LHFPL3: variants seen among roughly 807,000 people sequenced by gnomAD.
LHFPL3 encodes LHFPL tetraspan subfamily member 3.
In LHFPL3, 5 loss-of-function variants were observed where a neutral mutation model predicts 19.3. That is an observed-to-expected ratio of 0.26 (90% CI 0.14 to 0.54). The LOEUF (loss-of-function observed/expected upper bound fraction) is 0.54, where lower values mean the gene tolerates loss of function less well. LHFPL3 is among the 20% of genes least tolerant of loss of function. LHFPL3 has a pLI of 0.94. For missense variants in LHFPL3, 249 were observed against 307.4 expected, an observed-to-expected ratio of 0.81 and a Z score of 1.42; for synonymous variants, 133 against 126.2, an observed-to-expected ratio of 1.05 and a Z score of -0.36.
rs145441527 is a variant in LHFPL3, at chr7:104,574,322, G to A, written c.446-162353G>A. ...CATTCACTTAAGTTCTACGAAGGGG[G>A]CAGGGACAGGGACAAGAACAAGCTC... On this transcript the variant is annotated intron_variant, in intron 1 of 2. Transcript: ENST00000424859. 1.1e-3 allele frequency among the ~76,000 whole-genome samples: 162 copies of A among 152,288 alleles called. 1 individual carries two copies. Among genetic ancestry groups the A allele is most frequent in the Middle Eastern group, 0.01 (3 of 294 alleles).
chr7:104,621,079 G>A (rs942364095), intron 1 of LHFPL3, among the ~76,000 whole-genome samples: 2 of 152,158 alleles, frequency 1.3e-5, no homozygotes, highest in Admixed American at 6.5e-5. Context: ...TGAGAACTCA[G>A]ATTTTCAAGA....
chr7:104,788,137 A>G (rs926448217), intron 2 of LHFPL3, among the ~76,000 whole-genome samples: 2 of 152,138 alleles, frequency 1.3e-5, no homozygotes, highest in African/African-American at 4.8e-5. Context: ...GGAAAACATA[A>G]TTTCTTTATG....
chr7:104,388,208 T>C (rs926035612), intron 1 of LHFPL3, among the ~76,000 whole-genome samples: 2 of 152,200 alleles, frequency 1.3e-5, no homozygotes, highest in African/African-American at 2.4e-5. Context: ...CTAGATTGAT[T>C]CCATGTCTTT....
At chr7:104,472,607 A>G (rs186359684) in intron 1 of LHFPL3, among the ~76,000 whole-genome samples, 1 of 152,304 alleles carries the variant, frequency 6.6e-6, no homozygotes, top group East Asian at 1.9e-4. Context: ...GCAAATATTC[A>G]TTTATAATTA....
At chr7:104,839,425 C>T (rs937384918) in intron 2 of LHFPL3, among the ~76,000 whole-genome samples, 4 of 151,984 alleles carry the variant, frequency 2.6e-5, no homozygotes, top group African/African-American at 4.8e-5. Flanking sequence ...TCAGCATATT[C>T]GGAGGCCGAG....
chr7:104,614,100 G>T (rs980316762), intron 1 of LHFPL3, among the ~76,000 whole-genome samples: 7 of 152,256 alleles, frequency 4.6e-5, no homozygotes, highest in Admixed American at 3.9e-4. Flanking sequence ...TTTCAAAAAG[G>T]CAGAGAATGT....
intron 1 of LHFPL3, among the ~76,000 whole-genome samples, chr7:104,496,750 A>G (rs1016764667): frequency 6.6e-6 from 1 of 152,212 alleles, no homozygotes; most frequent in African/African-American, 2.4e-5. Flanking sequence ...TAGCTTAAAT[A>G]TAATGAAATG....
chr7:104,705,508 C>G (rs1323353622), intron 1 of LHFPL3, among the ~76,000 whole-genome samples: 1 of 152,120 alleles, frequency 6.6e-6, no homozygotes, highest in African/African-American at 2.4e-5. Context: ...TGTTAGAGTT[C>G]TCTCCCCCTT....
At chr7:104,749,238 G>C (rs1435104666) in intron 2 of LHFPL3, among the ~76,000 whole-genome samples, 1 of 152,254 alleles carries the variant, frequency 6.6e-6, no homozygotes, top group Non-Finnish European at 1.5e-5. Context: ...GCTATTGCCA[G>C]TCCTGCATTG....
intron 1 of LHFPL3, among the ~76,000 whole-genome samples, chr7:104,597,112 C>G (rs1403537684): frequency 2.6e-5 from 4 of 152,148 alleles, no homozygotes; most frequent in African/African-American, 9.7e-5. Flanking sequence ...TATAGCATGA[C>G]AAATGGATTC....
At position 104,734,111 on chromosome 7, in the gene LHFPL3, C is replaced by T. The variant is rs1382377279; in HGVS notation, c.446-2564C>T. ...GATCAGCTGTTAGTCTGATGGGCTT[C>T]CCTTTGTGGGTAACCCGACCTTTCT... On this transcript the variant is annotated intron_variant, in intron 1 of 2. Coordinates refer to ENST00000424859, the MANE Select transcript of LHFPL3 (RefSeq NM_199000.3). Among the ~76,000 whole-genome samples the T allele has an allele frequency of 5.3e-5, 8 of 152,196 alleles. 1 individual carries two copies. The South Asian group carries it at 6.2e-4, about 12-fold the overall frequency.
At chr7:104,594,412 A>G (rs1438022675) in intron 1 of LHFPL3, among the ~76,000 whole-genome samples, 1 of 152,210 alleles carries the variant, frequency 6.6e-6, no homozygotes, top group Non-Finnish European at 1.5e-5. Flanking sequence ...ATCCGCTGTT[A>G]GTCTGATGGG....
At chr7:104,614,813 C>G (rs138610261) in intron 1 of LHFPL3, among the ~76,000 whole-genome samples, 1 of 151,150 alleles carries the variant, frequency 6.6e-6, no homozygotes, top group African/African-American at 2.4e-5. Context: ...TGCAGTGGCA[C>G]AATCACAGCT....
intron 2 of LHFPL3, among the ~76,000 whole-genome samples, chr7:104,797,119 A>G (rs1218535477): frequency 6.6e-6 from 1 of 152,230 alleles, no homozygotes; most frequent in Non-Finnish European, 1.5e-5. Context: ...AAATGGGATT[A>G]GCTTTGCCTA....
chr7:104,392,463 G>C (rs1314389291), intron 1 of LHFPL3, among the ~76,000 whole-genome samples: 3 of 151,664 alleles, frequency 2.0e-5, no homozygotes, highest in African/African-American at 4.8e-5. Flanking sequence ...TTTGTCTTTG[G>C]TTCTGTTTAT....
intron 1 of LHFPL3, among the ~76,000 whole-genome samples, chr7:104,504,150 G>A (rs938121949): frequency 1.3e-5 from 2 of 151,926 alleles, no homozygotes; most frequent in Non-Finnish European, 2.9e-5. Flanking sequence ...ACCTCTGAAC[G>A]CTCTCTACTT....
chr7:104,557,675 TA>T (rs1179396463), intron 1 of LHFPL3, among the ~76,000 whole-genome samples: 3 of 152,250 alleles, frequency 2.0e-5, no homozygotes, highest in Admixed American at 6.5e-5. Context: ...TTTTTATTTT[TA>T]TTTTTTTATT....
At chr7:104,725,730 A>G (rs886247818) in intron 1 of LHFPL3, among the ~76,000 whole-genome samples, 1 of 152,086 alleles carries the variant, frequency 6.6e-6, no homozygotes, top group African/African-American at 2.4e-5. Context: ...ATTTGAAAAA[A>G]TTTTCAAATC....
chr7:104,442,331 C>T (rs1457050043), intron 1 of LHFPL3, among the ~76,000 whole-genome samples: 1 of 151,558 alleles, frequency 6.6e-6, no homozygotes, highest in Admixed American at 6.6e-5. Flanking sequence ...TCTAATCTTA[C>T]TGGAATCTTG....
Sources: allele counts gnomAD v4.1 joint callset (sites outside exome capture counted in the v4.1 genomes callset), GRCh38; gene constraint gnomAD v4.1.1; transcripts MANE v1.5; gene names NCBI Gene and HGNC (gene_info 2026-07-23, HGNC 2026-07-21).